Variants in APBA1 observed in about 807,000 individuals in gnomAD.
APBA1 encodes amyloid-beta A4 precursor protein-binding family A member 1.
APBA1 carries 55 observed loss-of-function variants against 86.6 expected under a neutral mutation model. The observed-to-expected ratio is 0.64, with a 90% confidence interval of 0.51 to 0.80. The LOEUF is 0.80. Ranked by LOEUF, APBA1 falls within the 30% of genes least tolerant of loss-of-function variation. The pLI is 0.00. For missense variants in APBA1, 1,090 were observed against 1,183.0 expected (o/e 0.92, Z 1.15); for synonymous variants, 511 against 493.9 (o/e 1.03, Z -0.46).
intron 1 of APBA1, among the ~76,000 whole-genome samples, chr9:69,545,245 A>G (rs1285105096): frequency 6.6e-6 from 1 of 152,216 alleles, no homozygotes; most frequent in East Asian, 1.9e-4. Context: ...GAAAAATTAA[A>G]ATGGAGAAAG....
intron 2 of APBA1, among the ~76,000 whole-genome samples, chr9:69,490,750 A>G (rs1264383765): frequency 2.0e-5 from 3 of 152,088 alleles, no homozygotes; most frequent in Non-Finnish European, 4.4e-5. Flanking sequence ...ACTCAAACAA[A>G]TTTACAAGAA....
chr9:69,531,052 T>C (rs935558463), intron 1 of APBA1, among the ~76,000 whole-genome samples: 1 of 152,176 alleles, frequency 6.6e-6, no homozygotes, highest in Non-Finnish European at 1.5e-5. Flanking sequence ...ATTCAAAATA[T>C]TATTTCAACA....
intron 1 of APBA1, among the ~76,000 whole-genome samples, chr9:69,644,556 T>TA (rs1222889740): frequency 2.6e-5 from 4 of 152,214 alleles, no homozygotes; most frequent in Non-Finnish European, 5.9e-5. Flanking sequence ...ATGCTCTCAT[T>TA]ACAGAGTCCC....
intron 2 of APBA1, among the ~76,000 whole-genome samples, chr9:69,490,121 T>C (rs1034389995): frequency 1.1e-4 from 17 of 152,096 alleles, no homozygotes; most frequent in African/African-American, 3.9e-4. Context: ...GTGGCACATA[T>C]ACACCATGGA....
intron 1 of APBA1, among the ~76,000 whole-genome samples, chr9:69,632,777 T>A (rs1292222056): frequency 6.6e-6 from 1 of 152,158 alleles, no homozygotes; most frequent in African/African-American, 2.4e-5. Flanking sequence ...AGGAAATAGA[T>A]GTTTTTGGGT....
chr9:69,525,441 T>G (rs1836327084), intron 1 of APBA1, among the ~76,000 whole-genome samples: 1 of 152,024 alleles, frequency 6.6e-6, no homozygotes, highest in South Asian at 2.1e-4. Flanking sequence ...CCAATAACGT[T>G]CAACCTGAGA....
At chr9:69,454,609 G>A (rs757400700) in intron 8 of APBA1, among the ~76,000 whole-genome samples, 27 of 152,292 alleles carry the variant, frequency 1.8e-4, no homozygotes, top group Non-Finnish European at 1.9e-4. Context: ...CTGCTCTAGT[G>A]AAAGCAAAGG....
At chr9:69,448,316 C>T (rs985180766) in intron 10 of APBA1, among the ~76,000 whole-genome samples, 3 of 152,256 alleles carry the variant, frequency 2.0e-5, no homozygotes, top group South Asian at 2.1e-4. Context: ...TTCCTCAGAG[C>T]GCAGCTCAGT....
intron 1 of APBA1, among the ~76,000 whole-genome samples, chr9:69,636,566 C>T (rs1264461959): frequency 3.3e-5 from 5 of 151,736 alleles, no homozygotes; most frequent in Admixed American, 2.0e-4. Flanking sequence ...GAGGCTGAGG[C>T]GAGCTGATCA....
upstream of APBA1, among the ~76,000 whole-genome samples, chr9:69,672,534 T>TGC (rs1484341626): frequency 1.4e-5 from 2 of 145,440 alleles, no homozygotes; most frequent in Non-Finnish European, 3.0e-5. Flanking sequence ...CCCACTCGCG[T>TGC]GCGCGCGCGG....
chr9:69,451,716 T>C (rs1835012715), intron 9 of APBA1, among the ~76,000 whole-genome samples: 1 of 152,178 alleles, frequency 6.6e-6, no homozygotes, highest in African/African-American at 2.4e-5. Flanking sequence ...ACAGCACCTC[T>C]TGTCTGAAAC....
chr9:69,481,318 T>C (rs1347827372), intron 2 of APBA1, among the ~76,000 whole-genome samples: 1 of 152,022 alleles, frequency 6.6e-6, no homozygotes, highest in Non-Finnish European at 1.5e-5. Flanking sequence ...CAAGCATTCT[T>C]ATACACCAAC....
At chr9:69,570,824 C>T (rs191544771) in intron 1 of APBA1, among the ~76,000 whole-genome samples, 13 of 152,274 alleles carry the variant, frequency 8.5e-5, no homozygotes, top group South Asian at 6.2e-4. Context: ...TTCATCCCCA[C>T]GGCGATTGAT....
At chr9:69,538,058 T>TG (rs929962779) in intron 1 of APBA1, among the ~76,000 whole-genome samples, 8 of 149,618 alleles carry the variant, frequency 5.3e-5, no homozygotes, top group African/African-American at 1.9e-4. Flanking sequence ...GCTGGAGCCT[T>TG]GAAAAAAAAA....
At chr9:69,558,561 C>CAT (rs371494520) in intron 1 of APBA1, among the ~76,000 whole-genome samples, 2,766 of 142,668 alleles carry the variant, frequency 0.019, 32 homozygotes, top group South Asian at 0.046. Context: ...CACACACACA[C>CAT]ATATATATAT....
rs1328111969 is a variant in APBA1 at position 69,530,310 on chromosome 9, A to G, written c.-69-13031T>C. On this transcript the variant is annotated intron_variant, in intron 1 of 12. Coordinates refer to ENST00000265381, the MANE Select transcript of APBA1 (RefSeq NM_001163.4). ...TAAGAAAAAAGTTGTGTGTGTGTAT[A>G]TATATATATATATATATATACACAC... Among the ~76,000 whole-genome samples the G allele has an allele frequency of 9.3e-3, 363 of 38,856 alleles. 2 individuals are homozygous for G. The highest frequency in any genetic ancestry group is 0.037 in the Middle Eastern group (2 of 54). 25.5% of individuals were successfully genotyped at this position (38,856 alleles called of 152,430 possible). A position where few individuals can be genotyped will look rare whatever the true frequency, so the allele number is the denominator to read the frequency against.
In APBA1 at chr9:69,432,578, G is replaced by A. The variant is rs1359314359; in HGVS notation, c.2400C>T (p.Pro800=). 1 of 1,600,982 alleles carries A rather than the reference G, an allele frequency of 6.2e-7. No homozygotes were observed. The highest frequency in any genetic ancestry group is 2.3e-5 in the East Asian group (1 of 43,596). The change falls in exon 12 of 13, where the codon CCC becomes CCT. Residue 800 remains proline, a synonymous_variant. Transcript: ENST00000265381. ...AGAGAATGTGGACGATCTTCTCGTG[G>A]GGGGTGGCCACGACGCTCTGTCCAT... The part of the protein sequence containing the change: ...EINGQSVVAT[P]HEKIVHILSN...
At chr9:69,443,881 G>A (rs1017683458) in intron 10 of APBA1, among the ~76,000 whole-genome samples, 1 of 152,284 alleles carries the variant, frequency 6.6e-6, no homozygotes, top group Non-Finnish European at 1.5e-5. Context: ...AACAGGGTCA[G>A]CCACAGAACA....
chr9:69,645,959 C>A (rs1023267416), intron 1 of APBA1, among the ~76,000 whole-genome samples: 1 of 152,198 alleles, frequency 6.6e-6, no homozygotes, highest in African/African-American at 2.4e-5. Context: ...AGAACTCTGA[C>A]TGATACACCT....
Sources: allele counts gnomAD v4.1 joint callset (sites outside exome capture counted in the v4.1 genomes callset), GRCh38; gene constraint gnomAD v4.1.1; transcripts MANE v1.5; gene names NCBI Gene and HGNC (gene_info 2026-07-23, HGNC 2026-07-21).